Variants in GRIA4 observed in about 807,000 individuals in gnomAD.
The protein encoded by GRIA4 is glutamate ionotropic receptor AMPA type subunit 4.
In GRIA4, 34 loss-of-function variants were observed where a neutral mutation model predicts 104.0. The observed-to-expected ratio is 0.33, with a 90% confidence interval of 0.25 to 0.44. GRIA4 has a LOEUF of 0.44. Among genes scored for constraint, GRIA4 ranks in the 20% least tolerant of loss-of-function variants. The pLI, the probability that GRIA4 is intolerant of heterozygous loss-of-function variation, is 1.00. For synonymous variants in GRIA4, 386 were observed against 381.9 expected (o/e 1.01, Z -0.13); for missense variants, 750 against 1,096.5 (o/e 0.68, Z 4.46).
At chr11:105,975,911 C>T (rs1479980951) in intron 16 of GRIA4, among the ~76,000 whole-genome samples, 1 of 152,006 alleles carries the variant, frequency 6.6e-6, no homozygotes, top group Non-Finnish European at 1.5e-5. Context: ...AGTTCCAAAA[C>T]GATTCTTTCC....
rs60005308 is a variant in GRIA4, at chr11:105,911,775, AATATATATATATATATATATAT to A, written c.1269+1243_1269+1264del. The A allele has an allele frequency of 1.6e-3, 119 of 74,496 alleles. 13 individuals are homozygous for A. The highest frequency in any genetic ancestry group is 0.011 in the Middle Eastern group (2 of 174). The allele number at this position is 74,496 out of a possible 1,614,324, so 4.6% of individuals were successfully genotyped here. On this transcript the variant is annotated intron_variant, in intron 10 of 16. Coordinates refer to ENST00000282499, the MANE Select transcript of GRIA4 (RefSeq NM_000829.4). ...AATATTTGCATGGGACTTGAAAAGC[AATATATATATATATATATATAT>A]ATATATATATATGTTTCTTTTCCTA...
At chr11:105,793,466 A>G (rs968249177) in intron 4 of GRIA4, among the ~76,000 whole-genome samples, 1 of 152,156 alleles carries the variant, frequency 6.6e-6, no homozygotes, top group Non-Finnish European at 1.5e-5. Flanking sequence ...GGGACTATTA[A>G]AAATGCATAT....
intron 13 of GRIA4, among the ~76,000 whole-genome samples, chr11:105,931,352 CATT>C (rs780859289): frequency 2.3e-4 from 35 of 151,170 alleles, no homozygotes; most frequent in Non-Finnish European, 4.1e-4. Context: ...AGCATAAAAA[CATT>C]ATAAAAAATA....
intron 14 of GRIA4, among the ~76,000 whole-genome samples, chr11:105,954,043 AG>A: frequency 6.6e-6 from 1 of 152,300 alleles, no homozygotes; most frequent in East Asian, 1.9e-4. Context: ...TCTTCTTTCT[AG>A]GCCACTAAGA....
chr11:105,659,609 T>C (rs1440311429), intron 3 of GRIA4, among the ~76,000 whole-genome samples: 1 of 151,936 alleles, frequency 6.6e-6, no homozygotes, highest in Non-Finnish European at 1.5e-5. Flanking sequence ...GTCCATACTG[T>C]GTAAGCCACT....
At chr11:105,767,038 C>T (rs184156834) in intron 4 of GRIA4, among the ~76,000 whole-genome samples, 4 of 152,254 alleles carry the variant, frequency 2.6e-5, no homozygotes, top group Admixed American at 2.6e-4. Flanking sequence ...TACAACAAGA[C>T]ATTTGATTTG....
At chr11:105,714,346 A>G (rs1954018403) in intron 3 of GRIA4, among the ~76,000 whole-genome samples, 1 of 152,114 alleles carries the variant, frequency 6.6e-6, no homozygotes, top group Non-Finnish European at 1.5e-5. Flanking sequence ...GTATCATCAA[A>G]TCACACTGTT....
At chr11:105,707,026 T>C (rs1953727611) in intron 3 of GRIA4, 1 of 152,260 alleles carries the variant, frequency 6.6e-6, no homozygotes, top group African/African-American at 2.4e-5. Flanking sequence ...GCCCTTGCAA[T>C]TGCTGATGCT....
chr11:105,836,153 G>A (rs528695488), intron 4 of GRIA4, among the ~76,000 whole-genome samples: 250 of 152,186 alleles, frequency 1.6e-3, no homozygotes, highest in African/African-American at 5.7e-3. Flanking sequence ...AGTCATAGAA[G>A]CATGGGGATC....
chr11:105,836,798 T>C (rs1367639706), intron 4 of GRIA4, among the ~76,000 whole-genome samples: 2 of 152,172 alleles, frequency 1.3e-5, no homozygotes, highest in African/African-American at 4.8e-5. Context: ...AATGATATTG[T>C]GCAGGGATGA....
chr11:105,910,576 C>T (rs989420136), intron 10 of GRIA4, 31 bp downstream of exon 10: 11 of 1,160,586 alleles, frequency 9.5e-6, no homozygotes, highest in African/African-American at 3.0e-5. Context: ...TATGGTGTTC[C>T]GTTTTGTCCA....
chr11:105,611,435 A>G (rs1950477577), intron 2 of GRIA4, among the ~76,000 whole-genome samples: 1 of 151,902 alleles, frequency 6.6e-6, no homozygotes, highest in African/African-American at 2.4e-5. Context: ...GCATAAAGTG[A>G]TGTCGAGTTT....
intron 4 of GRIA4, among the ~76,000 whole-genome samples, chr11:105,795,583 G>C (rs558737127): frequency 7.2e-5 from 11 of 152,074 alleles, no homozygotes; most frequent in Non-Finnish European, 1.3e-4. Flanking sequence ...TTCATTCTAA[G>C]GGTAATGGAA....
At chr11:105,734,032 A>G (rs1938773737) in intron 3 of GRIA4, among the ~76,000 whole-genome samples, 1 of 146,994 alleles carries the variant, frequency 6.8e-6, no homozygotes, top group Admixed American at 6.9e-5. Flanking sequence ...ATTCATATAT[A>G]TGTATATTAT....
intron 4 of GRIA4, among the ~76,000 whole-genome samples, chr11:105,819,586 G>T (rs942730543): frequency 6.6e-6 from 1 of 152,036 alleles, no homozygotes; most frequent in African/African-American, 2.4e-5. Context: ...TATAACATTT[G>T]TGGGAGTTTC....
At chr11:105,688,422 G>T (rs7102293) in intron 3 of GRIA4, among the ~76,000 whole-genome samples, 1 of 151,900 alleles carries the variant, frequency 6.6e-6, no homozygotes, top group Admixed American at 6.6e-5. Flanking sequence ...TTAGCCGGGC[G>T]TGGTGGCGTG....
At chr11:105,844,338 A>G (rs1370601761) in intron 4 of GRIA4, among the ~76,000 whole-genome samples, 2 of 152,198 alleles carry the variant, frequency 1.3e-5, no homozygotes, top group Non-Finnish European at 1.5e-5. Context: ...AATATGCCAA[A>G]TGGTTTTCTT....
At chr11:105,737,543 T>A (rs773695293) in intron 3 of GRIA4, among the ~76,000 whole-genome samples, 3 of 152,110 alleles carry the variant, frequency 2.0e-5, no homozygotes, top group East Asian at 3.9e-4. Flanking sequence ...CTGAGTTATA[T>A]ATGTGTTTGT....
At chr11:105,636,778 G>A (rs1951214616) in intron 3 of GRIA4, among the ~76,000 whole-genome samples, 1 of 152,180 alleles carries the variant, frequency 6.6e-6, no homozygotes, top group African/African-American at 2.4e-5. Context: ...GAGTGACAGT[G>A]TCCCTCAACA....
Sources: gnomAD v4.1 joint callset for allele counts (sites outside exome capture counted in the v4.1 genomes callset) on GRCh38, gnomAD v4.1.1 for gene constraint, MANE v1.5 for transcripts, NCBI Gene and HGNC (gene_info 2026-07-23, HGNC 2026-07-21) for gene names.